The following NTSR2 variants were observed in gnomAD, a reference collection of about 807,000 sequenced individuals.
The protein encoded by NTSR2 is neurotensin receptor type 2.
In NTSR2, 22 loss-of-function variants were observed where a neutral mutation model predicts 24.1. That is an observed-to-expected ratio of 0.91 (90% CI 0.65 to 1.30). NTSR2 has a LOEUF of 1.30. NTSR2 is among the 50% of genes most tolerant of loss of function. The pLI, the probability that NTSR2 is intolerant of heterozygous loss-of-function variation, is 0.00. For synonymous variants in NTSR2, 291 were observed against 267.0 expected, an observed-to-expected ratio of 1.09 and a Z score of -0.88; for missense variants, 570 against 570.4, an observed-to-expected ratio of 1.00 and a Z score of 0.01.
Position 11,669,922 on chromosome 2 carries a change from G to A in NTSR2, c.208C>T (p.His70Tyr), listed in dbSNP as rs777242618. The A allele has an allele frequency of 6.5e-7, 1 of 1,539,308 alleles. No homozygotes were observed. Among genetic ancestry groups the A allele is most frequent in the South Asian group, 1.2e-5 (1 of 83,932 alleles). Reference sequence around the variant, plus strand: ...GCGAGCGCCAGGCTGAGCACGTGGTGGCGCAGGCGCCCCGCGCGCCCGGCC... The same window carrying A: ...GCGAGCGCCAGGCTGAGCACGTGGTAGCGCAGGCGCCCCGCGCGCCCGGCC... Reference protein sequence around the residue: ...ARAGRAGRLRHHVLSLALAGL... With the variant: ...ARAGRAGRLRYHVLSLALAGL... Residue 70 changes from histidine to tyrosine, a missense_variant, in exon 1 of 4, where the codon CAC becomes TAC. By Grantham distance (83) the His-to-Tyr change is moderately conservative. Coordinates refer to ENST00000306928, the MANE Select transcript of NTSR2 (RefSeq NM_012344.4).
Position 11,658,361 on chromosome 2 carries a change from T to G in NTSR2, c.*118A>C. 1 of 1,397,718 alleles carries G rather than the reference T, an allele frequency of 7.2e-7. No individual in the cohort carries two copies. Among genetic ancestry groups the G allele is most frequent in the African/African-American group, 1.4e-5 (1 of 69,568 alleles). The allele number at this position is 1,397,718 out of a possible 1,614,324, so 86.6% of individuals were successfully genotyped here. A position where few individuals can be genotyped will look rare whatever the true frequency, so the allele number is the denominator to read the frequency against. ...TGATGGTTCTCAGCAGAGCAGGGGT[T>G]GATAGAAGTCGCCCTGGCTGCGAAG... On this transcript the variant is annotated 3_prime_UTR_variant, in exon 4 of 4. Coordinates refer to ENST00000306928, the MANE Select transcript of NTSR2 (RefSeq NM_012344.4).
intron 2 of NTSR2, among the ~76,000 whole-genome samples, chr2:11,660,651 G>C (rs779999045): frequency 1.3e-5 from 2 of 152,140 alleles, no homozygotes; most frequent in Non-Finnish European, 1.5e-5. Context: ...TGAAGCAGGA[G>C]AATTGCTTGA....
intron 2 of NTSR2, among the ~76,000 whole-genome samples, chr2:11,661,685 C>T (rs1464491095): frequency 6.6e-6 from 1 of 152,216 alleles, no homozygotes; most frequent in Non-Finnish European, 1.5e-5. Context: ...TGTTCATCCA[C>T]ACCGCCAGAC....
At position 11,661,896 on chromosome 2, in the gene NTSR2, C is replaced by T. The variant is rs1477077874; in HGVS notation, c.898+71G>A. 24 of 1,415,314 alleles carry T rather than the reference C, an allele frequency of 1.7e-5. No individual in the cohort carries two copies. In the East Asian group the frequency reaches 5.5e-4, roughly 32 times the overall value. The allele number at this position is 1,415,314 out of a possible 1,614,324, so 87.7% of individuals were successfully genotyped here. ...GTAGTGACTTGCTGAGGTCACCCGGCCAGGGATTGGTGGAGGCAGCCCTGG... is the reference window on the plus strand; with the variant it reads ...GTAGTGACTTGCTGAGGTCACCCGGTCAGGGATTGGTGGAGGCAGCCCTGG... On this transcript the variant is annotated intron_variant, in intron 2 of 3. Coordinates refer to ENST00000306928, the MANE Select transcript of NTSR2 (RefSeq NM_012344.4).
chr2:11,665,152 C>T (rs989455619), intron 1 of NTSR2, among the ~76,000 whole-genome samples: 3 of 149,754 alleles, frequency 2.0e-5, no homozygotes, highest in East Asian at 2.0e-4. Flanking sequence ...TGGTGGAACC[C>T]GGCTCCCAGG....
chr2:11,667,422 A>G (rs1572269451), intron 1 of NTSR2, among the ~76,000 whole-genome samples: 1 of 152,140 alleles, frequency 6.6e-6, no homozygotes, highest in Admixed American at 6.5e-5. Flanking sequence ...TCATGACTCA[A>G]TGTAACCTCA....
rs1201813040 is a variant in NTSR2 at position 11,660,043 on chromosome 2, T to C, written c.989A>G (p.Asp330Gly). ...GCTAGGGTCCTTCTGCCACACTCAC[T>C]CAGTCCACGCGTCATCAGGTACGTA... ...YCYVPDDAWT[D>G]PLYNFYHYFY... is the part of the protein sequence containing the mutation. Residue 330 changes from aspartate to glycine, a missense_variant and splice_region_variant, in exon 3 of 4, where the codon GAC (aspartate) becomes GGC (glycine). Asp to Gly is a moderately conservative substitution (Grantham distance 94). Transcript: ENST00000306928. 6.2e-7 allele frequency: 1 copy of C among 1,612,662 alleles called. No homozygotes were observed. Among genetic ancestry groups the C allele is most frequent in the Non-Finnish European group, 8.5e-7 (1 of 1,178,960 alleles).
At position 11,665,574 on chromosome 2, in the gene NTSR2, A is replaced by G. The variant is rs575356454; in HGVS notation, c.625-3334T>C. On this transcript the variant is annotated intron_variant, in intron 1 of 3. Transcript: ENST00000306928. ...TGATTTGGACTCGAATTTACTCAGG[A>G]TCTTTACTCATAGTTAAAATATTGG... The G allele has an allele frequency of 2.0e-5, 3 of 152,270 alleles. No individual in the cohort carries two copies. The East Asian group carries it at 5.8e-4, about 29-fold the overall frequency. The allele number at this position is 152,270 out of a possible 1,614,324, so 9.4% of individuals were successfully genotyped here.
chr2:11,664,982 C>T, intron 1 of NTSR2, among the ~76,000 whole-genome samples: 1 of 151,780 alleles, frequency 6.6e-6, no homozygotes, highest in East Asian at 1.9e-4. Context: ...ATTGCCCTGG[C>T]CAGGTTGAAC....
At chr2:11,660,017 T>C in intron 3 of NTSR2, 26 bp downstream of exon 3, 6 of 1,601,676 alleles carry the variant, frequency 3.7e-6, no homozygotes, top group Non-Finnish European at 5.1e-6. Context: ...CCTCCCTGTG[T>C]GCTAGGGTCC....
At chr2:11,669,460 G>GGGGCCGGGGCCCCCCCCCCCCCCCCCCC in intron 1 of NTSR2, 46 bp downstream of exon 1, 1 of 254,726 alleles carries the variant, frequency 3.9e-6, no homozygotes, top group Non-Finnish European at 6.9e-6. Context: ...TCCCAGCACC[G>GGGGCCGGGGCCCCCCCCCCCCCCCCCCC]CCCCCCCACC....
rs968711672 is a variant in NTSR2, at chr2:11,669,648, G to A, written c.482C>T (p.Ala161Val). Reference protein sequence around the residue: ...RTRWLVALSWAASLGLALPMA... With the variant: ...RTRWLVALSWVASLGLALPMA... ...GGGCAGGGCGAGGCCGAGCGAGGCGGCCCACGAGAGCGCCACCAGCCACCG... is the reference window on the plus strand; with the variant it reads ...GGGCAGGGCGAGGCCGAGCGAGGCGACCCACGAGAGCGCCACCAGCCACCG... Residue 161 changes from alanine to valine, a missense_variant, in exon 1 of 4, where the codon GCC (alanine) becomes GTC (valine). Physicochemically the swap from Ala to Val is moderately conservative, Grantham distance 64 (BLOSUM62 0). Coordinates refer to ENST00000306928, the MANE Select transcript of NTSR2 (RefSeq NM_012344.4). The A allele has an allele frequency of 1.3e-6, 2 of 1,552,784 alleles. No homozygotes were observed. Among genetic ancestry groups the A allele is most frequent in the Non-Finnish European group, 1.7e-6 (2 of 1,155,468 alleles).
Position 11,669,523 on chromosome 2 carries a change from G to T in NTSR2, c.607C>A (p.Leu203Ile). Residue 203 changes from leucine (L) to isoleucine (I), a missense_variant, in exon 1 of 4, where the codon CTC becomes ATC. Coordinates refer to ENST00000306928, the MANE Select transcript of NTSR2 (RefSeq NM_012344.4). Reference protein sequence around the residue: ...VCTVLVSRTALQVFIQVNVLV... With the variant: ...VCTVLVSRTAIQVFIQVNVLV... ...GCCCTTACCTGGATAAAGACTTGGA[G>T]CGCGGTGCGGCTCACCAGCACCGTG... 7.2e-7 allele frequency: 1 copy of T among 1,395,148 alleles called. No homozygotes were observed. Among genetic ancestry groups the T allele is most frequent in the Non-Finnish European group, 9.3e-7 (1 of 1,072,998 alleles). 86.4% of individuals were successfully genotyped at this position (1,395,148 alleles called of 1,614,324 possible).
In NTSR2 at chr2:11,658,764, C is replaced by T. The variant is rs1451451581; in HGVS notation, c.990-42G>A. On this transcript the variant is annotated intron_variant, in intron 3 of 3. Coordinates refer to ENST00000306928, the MANE Select transcript of NTSR2 (RefSeq NM_012344.4). ...GGAGCCTGGTTAGAGGACCTGTCAC[C>T]TCCTCACAGTGTCCACTTCCTACTG... 1.9e-6 allele frequency: 3 copies of T among 1,602,892 alleles called. No homozygotes were observed. The Admixed American group carries it at 5.0e-5, about 27-fold the overall frequency.
At position 11,658,860 on chromosome 2, in the gene NTSR2, G is replaced by A. The variant is rs1660999330; in HGVS notation, c.990-138C>T. 19 of 974,876 alleles carry A rather than the reference G, an allele frequency of 1.9e-5. No individual in the cohort carries two copies. The South Asian group carries it at 2.7e-4, about 14-fold the overall frequency. The allele number at this position is 974,876 out of a possible 1,614,324, so 60.4% of individuals were successfully genotyped here. A position where few individuals can be genotyped will look rare whatever the true frequency, so the allele number is the denominator to read the frequency against. On this transcript the variant is annotated intron_variant, in intron 3 of 3. Coordinates refer to ENST00000306928, the MANE Select transcript of NTSR2 (RefSeq NM_012344.4). ...TGCTATCAGGAAGCACAGTGTTTTT[G>A]TTTGTTTGTTTGTTTTTGAGACGGA...
intron 2 of NTSR2, 142 bp downstream of exon 2, chr2:11,661,825 T>G: frequency 4.3e-6 from 3 of 693,392 alleles, no homozygotes; most frequent in Non-Finnish European, 7.0e-6. Flanking sequence ...AGTCTGTTGG[T>G]TATACAGTTC....
chr2:11,670,101 C>G lies in NTSR2; in HGVS notation c.29G>C (p.Arg10Pro). The change falls in exon 1 of 4, where the codon CGG becomes CCG. Residue 10 changes from arginine (R) to proline (P), a missense_variant. Arg to Pro is a moderately radical substitution (Grantham distance 103, BLOSUM62 -2). Transcript: ENST00000306928. METSSPRPP[R>P]PSSNPGLSLD... ...GCTCAGCCCCGGGTTGGAGCTGGGC[C>G]GCGGGGGCCGCGGGCTGCTGGTTTC... 2 of 1,392,808 alleles carry G rather than the reference C, an allele frequency of 1.4e-6. No homozygotes were observed. Among genetic ancestry groups the G allele is most frequent in the East Asian group, 2.9e-5 (1 of 34,944 alleles). 86.3% of individuals were successfully genotyped at this position (1,392,808 alleles called of 1,614,324 possible). A position where few individuals can be genotyped will look rare whatever the true frequency, so the allele number is the denominator to read the frequency against.
intron 1 of NTSR2, among the ~76,000 whole-genome samples, chr2:11,663,457 T>G (rs1661125236): frequency 6.6e-6 from 1 of 152,050 alleles, no homozygotes; most frequent in South Asian, 2.1e-4. Context: ...CAGAACATAT[T>G]GAAAGGGCAT....
intron 1 of NTSR2, among the ~76,000 whole-genome samples, chr2:11,667,823 C>T (rs1661237091): frequency 6.6e-6 from 1 of 152,236 alleles, no homozygotes. Context: ...TTGGAGCCCC[C>T]AGACCCACGG....
Sources: gnomAD v4.1 joint callset for allele counts (sites outside exome capture counted in the v4.1 genomes callset) on GRCh38, gnomAD v4.1.1 for gene constraint, MANE v1.5 for transcripts, NCBI Gene and HGNC (gene_info 2026-07-23, HGNC 2026-07-21) for gene names.